FOXJ3: variants seen among roughly 807,000 people sequenced by gnomAD.
The protein encoded by FOXJ3 is forkhead box protein J3.
In FOXJ3, 22 loss-of-function variants were observed where a neutral mutation model predicts 76.1. That is an observed-to-expected ratio of 0.29 (90% CI 0.21 to 0.41). The LOEUF is 0.41. FOXJ3 is among the 10% of genes least tolerant of loss of function. The pLI, the probability that FOXJ3 is intolerant of heterozygous loss-of-function variation, is 1.00. For synonymous variants in FOXJ3, 269 were observed against 261.2 expected, an observed-to-expected ratio of 1.03 and a Z score of -0.29; for missense variants, 613 against 762.1, an observed-to-expected ratio of 0.80 and a Z score of 2.30.
Position 42,185,208 on chromosome 1 carries a change from T to C in FOXJ3, c.1646-3184A>G, listed in dbSNP as rs1022234892. ...ATGCACCCCTTTCTCTGAATTCTTATTGCACTTAAACCCTATGGAGAAGTG... is the reference window on the plus strand; with the variant it reads ...ATGCACCCCTTTCTCTGAATTCTTACTGCACTTAAACCCTATGGAGAAGTG... On this transcript the variant is annotated intron_variant, in intron 11 of 12. Transcript: ENST00000361346. Among the ~76,000 whole-genome samples the C allele has an allele frequency of 5.9e-5, 9 of 151,966 alleles. No individual in the cohort carries two copies. In the South Asian group the frequency reaches 1.9e-3, roughly 32 times the overall value.
At chr1:42,324,795 G>T (rs1045385396) in intron 1 of FOXJ3, among the ~76,000 whole-genome samples, 2 of 152,196 alleles carry the variant, frequency 1.3e-5, no homozygotes, top group African/African-American at 4.8e-5. Context: ...ACTTAACAAT[G>T]AATGGAGCTT....
intron 5 of FOXJ3, among the ~76,000 whole-genome samples, chr1:42,223,874 C>G (rs945493698): frequency 6.6e-6 from 1 of 152,210 alleles, no homozygotes; most frequent in Non-Finnish European, 1.5e-5. Flanking sequence ...TAGTTGTAGA[C>G]AGCACAAACT....
intron 2 of FOXJ3, among the ~76,000 whole-genome samples, chr1:42,298,398 G>A (rs530246360): frequency 1.1e-4 from 16 of 152,194 alleles, no homozygotes; most frequent in Admixed American, 2.6e-4. Flanking sequence ...TCAATCTTGC[G>A]AGGTTGTATC....
chr1:42,216,657 A>G (rs1036866110), intron 5 of FOXJ3, among the ~76,000 whole-genome samples: 18 of 152,246 alleles, frequency 1.2e-4, no homozygotes, highest in Non-Finnish European at 2.2e-4. Flanking sequence ...CGAGGGAAAG[A>G]ACAAAGAGGA....
At chr1:42,191,846 T>A in intron 8 of FOXJ3, 127 bp from the exon 9 acceptor site, 2 of 954,738 alleles carry the variant, frequency 2.1e-6, no homozygotes, top group South Asian at 3.2e-5. Flanking sequence ...TTAATAAGTG[T>A]TAATCCAACA....
chr1:42,264,508 G>GT (rs1651320143), intron 4 of FOXJ3, among the ~76,000 whole-genome samples: 1 of 152,006 alleles, frequency 6.6e-6, no homozygotes, highest in Admixed American at 6.6e-5. Context: ...TCCTAATCTA[G>GT]TAACTTACCT....
intron 1 of FOXJ3, among the ~76,000 whole-genome samples, chr1:42,334,299 A>G (rs955546081): frequency 9.2e-5 from 14 of 152,188 alleles, no homozygotes; most frequent in Non-Finnish European, 1.6e-4. Flanking sequence ...TCATCTAACC[A>G]ACAGCCGGCC....
chr1:42,221,768 T>C (rs1327419041), intron 5 of FOXJ3, among the ~76,000 whole-genome samples: 1 of 150,294 alleles, frequency 6.7e-6, no homozygotes. Flanking sequence ...CTAGTTTCCT[T>C]GGAATAGTTT....
intron 3 of FOXJ3, among the ~76,000 whole-genome samples, chr1:42,277,478 C>T (rs181600309): frequency 0.016 from 2,355 of 142,870 alleles, 84 homozygotes; most frequent in South Asian, 0.049. Flanking sequence ...CTGGCTAACA[C>T]GGTGAAATCC....
At chr1:42,283,778 C>T (rs551983231) in intron 2 of FOXJ3, among the ~76,000 whole-genome samples, 5 of 152,214 alleles carry the variant, frequency 3.3e-5, no homozygotes, top group Non-Finnish European at 5.9e-5. Context: ...ACTCCTATTA[C>T]AGTGTTTCAA....
chr1:42,192,498 A>C (rs549433971), intron 8 of FOXJ3, among the ~76,000 whole-genome samples: 2 of 152,360 alleles, frequency 1.3e-5, no homozygotes, highest in African/African-American at 4.8e-5. Context: ...TTACTCTTTA[A>C]CAAGAAGGGA....
chr1:42,334,543 G>A (rs1656352687), intron 1 of FOXJ3, among the ~76,000 whole-genome samples: 1 of 152,202 alleles, frequency 6.6e-6, no homozygotes, highest in Admixed American at 6.5e-5. Context: ...GGATGGGCGG[G>A]AACGCAAGCA....
chr1:42,206,369 T>C (rs1404131224), intron 5 of FOXJ3, among the ~76,000 whole-genome samples: 5 of 152,224 alleles, frequency 3.3e-5, no homozygotes, highest in East Asian at 1.9e-4. Flanking sequence ...TTCTCTCTTA[T>C]TGCAGATTTA....
At chr1:42,187,226 G>A (rs1646455982) in intron 11 of FOXJ3, among the ~76,000 whole-genome samples, 1 of 152,178 alleles carries the variant, frequency 6.6e-6, no homozygotes, top group South Asian at 2.1e-4. Context: ...AGCAACACAG[G>A]TACTTACCCC....
chr1:42,299,168 C>T (rs1422382668), intron 2 of FOXJ3, among the ~76,000 whole-genome samples: 3 of 152,128 alleles, frequency 2.0e-5, no homozygotes, highest in African/African-American at 7.2e-5. Flanking sequence ...CAGAATTTTT[C>T]GAATTTCTGC....
intron 1 of FOXJ3, among the ~76,000 whole-genome samples, chr1:42,319,729 T>G (rs901054620): frequency 1.3e-5 from 2 of 152,206 alleles, no homozygotes; most frequent in African/African-American, 2.4e-5. Flanking sequence ...CACAAATGTT[T>G]TTATTCTGTC....
At chr1:42,221,189 G>A (rs769706730) in intron 5 of FOXJ3, among the ~76,000 whole-genome samples, 19 of 152,238 alleles carry the variant, frequency 1.2e-4, no homozygotes, top group African/African-American at 2.9e-4. Flanking sequence ...GTGAGTGAGC[G>A]ATAATGAATG....
In FOXJ3 at chr1:42,178,057, A is replaced by C. The variant is rs1037995315; in HGVS notation, c.*1653T>G. The C allele has an allele frequency of 2.6e-5, 4 of 152,560 alleles. No homozygotes were observed. Among genetic ancestry groups the C allele is most frequent in the African/African-American group, 9.7e-5 (4 of 41,418 alleles). 9.5% of individuals were successfully genotyped at this position (152,560 alleles called of 1,614,324 possible). On this transcript the variant is annotated 3_prime_UTR_variant, in exon 13 of 13. Coordinates refer to ENST00000361346, the MANE Select transcript of FOXJ3 (RefSeq NM_014947.5). Reference sequence around the variant, plus strand: ...CTCATTTCTTCTAGTTTTATCATAAAACTAAGATAATCAGTCCATGCAAAC... The same window carrying C: ...CTCATTTCTTCTAGTTTTATCATAACACTAAGATAATCAGTCCATGCAAAC...
At chr1:42,330,340 CG>C (rs1268782881) in intron 1 of FOXJ3, among the ~76,000 whole-genome samples, 1 of 152,006 alleles carries the variant, frequency 6.6e-6, no homozygotes, top group Non-Finnish European at 1.5e-5. Context: ...ATTTTAAGTC[CG>C]GAAGAAAATC....
Sources: allele counts gnomAD v4.1 joint callset (sites outside exome capture counted in the v4.1 genomes callset), GRCh38; gene constraint gnomAD v4.1.1; transcripts MANE v1.5; gene names NCBI Gene and HGNC (gene_info 2026-07-23, HGNC 2026-07-21).